Variants in KCNK13 observed in about 807,000 individuals in gnomAD.
KCNK13 encodes the protein potassium two pore domain channel subfamily K member 13.
In KCNK13, 12 loss-of-function variants were observed where a neutral mutation model predicts 23.4. That is an observed-to-expected ratio of 0.51 (90% CI 0.33 to 0.83). KCNK13 has a LOEUF of 0.83. Ranked by LOEUF, KCNK13 falls within the 40% of genes least tolerant of loss-of-function variation. The probability of loss-of-function intolerance (pLI) is 0.02; values close to 1 mark genes in which losing one functional copy is unlikely to be tolerated. For missense variants in KCNK13, 463 were observed against 556.3 expected (o/e 0.83, Z 1.69); for synonymous variants, 231 against 229.5 (o/e 1.01, Z -0.06).
intron 1 of KCNK13, among the ~76,000 whole-genome samples, chr14:90,076,566 A>C (rs1889136931): frequency 6.6e-6 from 1 of 152,058 alleles, no homozygotes. Context: ...GGCGCAAACC[A>C]TGTCAGATTG....
intron 1 of KCNK13, among the ~76,000 whole-genome samples, chr14:90,120,508 T>C (rs1460826216): frequency 6.6e-6 from 1 of 152,170 alleles, no homozygotes; most frequent in African/African-American, 2.4e-5. Context: ...AAACACGTCC[T>C]TCTTCACATG....
intron 1 of KCNK13, among the ~76,000 whole-genome samples, chr14:90,070,765 C>T (rs536969789): frequency 5.3e-5 from 8 of 152,196 alleles, no homozygotes; most frequent in East Asian, 3.9e-4. Context: ...TTGTTTCATG[C>T]GAACAATGGC....
At chr14:90,152,393 G>A (rs1890143506) in intron 1 of KCNK13, among the ~76,000 whole-genome samples, 1 of 152,124 alleles carries the variant, frequency 6.6e-6, no homozygotes, top group Admixed American at 6.6e-5. Flanking sequence ...AAATTAGTTG[G>A]GCGTAGTGGC....
chr14:90,120,481 A>T (rs77946975), intron 1 of KCNK13, among the ~76,000 whole-genome samples: 2 of 152,186 alleles, frequency 1.3e-5, no homozygotes, highest in African/African-American at 2.4e-5. Context: ...ACTTACAATC[A>T]TGGTGGAAGG....
chr14:90,170,360 C>T lies in KCNK13; in HGVS notation c.335-13751C>T, dbSNP rs138318782. ...TCCCAAGTAACTGGGATTACAGGTG[C>T]CCACCACCACACCCAGCTAATTTTT... On this transcript the variant is annotated intron_variant, in intron 1 of 1. Coordinates refer to ENST00000282146, the MANE Select transcript of KCNK13 (RefSeq NM_022054.4). 3.3e-5 allele frequency among the ~76,000 whole-genome samples: 5 copies of T among 152,174 alleles called. No individual in the cohort carries two copies. In the East Asian group the frequency reaches 7.7e-4, roughly 24 times the overall value.
chr14:90,106,897 CTA>C (rs1041733403), intron 1 of KCNK13, among the ~76,000 whole-genome samples: 11 of 151,788 alleles, frequency 7.2e-5, no homozygotes, highest in African/African-American at 2.4e-4. Flanking sequence ...TGGTGCACGC[CTA>C]GTCCAAGCTA....
At chr14:90,097,939 C>T (rs111568561) in intron 1 of KCNK13, among the ~76,000 whole-genome samples, 63 of 152,282 alleles carry the variant, frequency 4.1e-4, no homozygotes, top group African/African-American at 1.4e-3. Flanking sequence ...TCCAGACCTG[C>T]TCAAACTAAC....
intron 1 of KCNK13, among the ~76,000 whole-genome samples, chr14:90,083,553 A>C (rs1889237644): frequency 6.6e-6 from 1 of 152,196 alleles, no homozygotes; most frequent in African/African-American, 2.4e-5. Context: ...GGGACCTTTA[A>C]GAGGTGATTA....
At chr14:90,098,949 G>T (rs1263365913) in intron 1 of KCNK13, among the ~76,000 whole-genome samples, 2 of 152,094 alleles carry the variant, frequency 1.3e-5, no homozygotes, top group East Asian at 3.9e-4. Flanking sequence ...GTGATGGCAG[G>T]TGCCTGTATT....
chr14:90,101,869 C>T (rs183682488), intron 1 of KCNK13, among the ~76,000 whole-genome samples: 21 of 149,248 alleles, frequency 1.4e-4, no homozygotes, highest in Admixed American at 1.0e-3. Flanking sequence ...CCTGTTCCCC[C>T]GAAAACCTAT....
chr14:90,183,454 C>G (rs1890510481), intron 1 of KCNK13, among the ~76,000 whole-genome samples: 1 of 139,944 alleles, frequency 7.1e-6, no homozygotes, highest in African/African-American at 2.4e-5. Flanking sequence ...TGCCTAACTC[C>G]TCTTTAGCTT....
chr14:90,141,843 C>T (rs1014065948), intron 1 of KCNK13, among the ~76,000 whole-genome samples: 12 of 145,654 alleles, frequency 8.2e-5, no homozygotes, highest in Non-Finnish European at 1.2e-4. Flanking sequence ...AGTGCAGTGG[C>T]GCAATTTTGG....
chr14:90,137,825 CT>C (rs1259061641), intron 1 of KCNK13, among the ~76,000 whole-genome samples: 5 of 152,160 alleles, frequency 3.3e-5, no homozygotes, highest in African/African-American at 1.2e-4. Flanking sequence ...TAATAAGTTG[CT>C]TACACACACG....
At chr14:90,171,778 T>G (rs899467654) in intron 1 of KCNK13, among the ~76,000 whole-genome samples, 2 of 152,208 alleles carry the variant, frequency 1.3e-5, no homozygotes, top group Non-Finnish European at 1.5e-5. Context: ...TCTATCTCAG[T>G]GAGCAGAGGG....
chr14:90,184,008 A>T lies in KCNK13; in HGVS notation c.335-103A>T, dbSNP rs1367039904. The T allele has an allele frequency of 2.9e-6, 3 of 1,025,636 alleles. No individual in the cohort carries two copies. The highest frequency in any genetic ancestry group is 2.9e-6 in the Non-Finnish European group (2 of 689,334). 63.5% of individuals were successfully genotyped at this position (1,025,636 alleles called of 1,614,324 possible). ...AGAAAGACTAAGGCTGAGTGATTTT[A>T]TGAAACTCTCTTTAGGTCCTTTGCC... On this transcript the variant is annotated intron_variant, in intron 1 of 1. Coordinates refer to ENST00000282146, the MANE Select transcript of KCNK13 (RefSeq NM_022054.4). This position sits in a 1 kb window ranked among gnomAD's most constrained non-coding sequence, Gnocchi z 5.6.
Position 90,140,080 on chromosome 14 carries a change from T to G in KCNK13, c.335-44031T>G, listed in dbSNP as rs538608822. ...GGTAGTCAGATTTGAGATTTTGGGA[T>G]GCAGGACCCACCATTTCAGGGGAAC... On this transcript the variant is annotated intron_variant, in intron 1 of 1. Transcript: ENST00000282146. 3.3e-5 allele frequency among the ~76,000 whole-genome samples: 5 copies of G among 152,286 alleles called. No homozygotes were observed. The South Asian group carries it at 1.0e-3, about 32-fold the overall frequency.
rs1260322869 is a variant in KCNK13, at chr14:90,130,509, C to T, written c.335-53602C>T. ...ACCACCACACCCAGCTAGAGAAGGACATTTAAATAAATAGGAGTGTTGGCC... is the reference window on the plus strand; with the variant it reads ...ACCACCACACCCAGCTAGAGAAGGATATTTAAATAAATAGGAGTGTTGGCC... On this transcript the variant is annotated intron_variant, in intron 1 of 1. Coordinates refer to ENST00000282146, the MANE Select transcript of KCNK13 (RefSeq NM_022054.4). Among the ~76,000 whole-genome samples, 8 of 150,942 alleles carry T rather than the reference C, an allele frequency of 5.3e-5. No individual in the cohort carries two copies. The East Asian group carries it at 1.6e-3, about 31-fold the overall frequency.
In KCNK13 at chr14:90,154,245, T is replaced by A. The variant is rs150396776; in HGVS notation, c.335-29866T>A. Among the ~76,000 whole-genome samples the A allele has an allele frequency of 3.7e-3, 570 of 152,162 alleles. 1 individual carries two copies. The highest frequency in any genetic ancestry group is 0.017 in the Middle Eastern group (5 of 294). On this transcript the variant is annotated intron_variant, in intron 1 of 1. Coordinates refer to ENST00000282146, the MANE Select transcript of KCNK13 (RefSeq NM_022054.4). The stretch of plus-strand genomic sequence containing the variant: ...CAATGCTGTGCTCTCCTACCCATAA[T>A]GCCTGCTCTTCTACCCACAATGCCT...
At chr14:90,087,883 C>G (rs1288509757) in intron 1 of KCNK13, among the ~76,000 whole-genome samples, 1 of 152,232 alleles carries the variant, frequency 6.6e-6, no homozygotes, top group Non-Finnish European at 1.5e-5. Flanking sequence ...TAGCCCACCA[C>G]CTACCCTGTG....
Sources: gnomAD v4.1 joint callset for allele counts (sites outside exome capture counted in the v4.1 genomes callset) on GRCh38, gnomAD v4.1.1 for gene constraint, Gnocchi (gnomAD v3.1) non-coding constraint, MANE v1.5 for transcripts, NCBI Gene and HGNC (gene_info 2026-07-23, HGNC 2026-07-21) for gene names.